Variants in TRHDE observed in about 807,000 individuals in gnomAD.
The protein encoded by TRHDE is thyrotropin releasing hormone degrading enzyme.
Under a neutral mutation model 125.7 loss-of-function variants are expected in TRHDE, and 72 were observed. That is an observed-to-expected ratio of 0.57 (90% confidence interval 0.47 to 0.70). The LOEUF is 0.70. TRHDE is among the 30% of genes least tolerant of loss of function. TRHDE has a pLI of 0.00. For synonymous variants in TRHDE, 509 were observed against 509.1 expected, an observed-to-expected ratio of 1.00 and a Z score of 0.00; for missense variants, 1,110 against 1,327.1, an observed-to-expected ratio of 0.84 and a Z score of 2.54.
At chr12:72,430,397 A>C (rs1874413808) in intron 3 of TRHDE, among the ~76,000 whole-genome samples, 1 of 141,754 alleles carries the variant, frequency 7.1e-6, no homozygotes, top group South Asian at 2.2e-4. Context: ...ATATATACAC[A>C]CACGTATATA....
intron 2 of TRHDE, among the ~76,000 whole-genome samples, chr12:72,178,322 A>G (rs1394794461): frequency 1.3e-5 from 2 of 152,142 alleles, no homozygotes; most frequent in East Asian, 3.8e-4. Flanking sequence ...GAAAACAATA[A>G]TAAACACAAT....
At chr12:72,182,770 C>A (rs1237222418) in intron 2 of TRHDE, among the ~76,000 whole-genome samples, 1 of 152,146 alleles carries the variant, frequency 6.6e-6, no homozygotes, top group African/African-American at 2.4e-5. Flanking sequence ...TCAGATAGAT[C>A]CTGTTCAGGG....
chr12:72,616,256 C>G (rs1306270658), intron 12 of TRHDE, among the ~76,000 whole-genome samples: 1 of 151,966 alleles, frequency 6.6e-6, no homozygotes, highest in Non-Finnish European at 1.5e-5. Flanking sequence ...TGTCCTGCCT[C>G]CTAGACTTGT....
At chr12:72,238,308 A>ATACACAT (rs1878388684) in intron 2 of TRHDE, among the ~76,000 whole-genome samples, 1 of 34,864 alleles carries the variant, frequency 2.9e-5, no homozygotes, top group East Asian at 6.6e-4. Flanking sequence ...ATATATATAT[A>ATACACAT]TATATATATA....
chr12:72,207,803 C>T (rs536288733), intron 2 of TRHDE, among the ~76,000 whole-genome samples: 15 of 152,320 alleles, frequency 9.8e-5, no homozygotes, highest in African/African-American at 3.6e-4. Context: ...CTTTGTAGCG[C>T]TTTTCTGTAC....
At chr12:72,321,112 T>G (rs764504121) in intron 2 of TRHDE, among the ~76,000 whole-genome samples, 2 of 152,184 alleles carry the variant, frequency 1.3e-5, no homozygotes, top group Middle Eastern at 3.2e-3. Flanking sequence ...CTTGTGATTC[T>G]CAGCAATTTT....
At chr12:72,135,055 G>GA (rs1875950689) in intron 2 of TRHDE, among the ~76,000 whole-genome samples, 1 of 151,786 alleles carries the variant, frequency 6.6e-6, no homozygotes, top group Non-Finnish European at 1.5e-5. Context: ...AAAAAGAAAA[G>GA]ACAAGGATGT....
chr12:72,113,784 T>C (rs2139296797), intron 2 of TRHDE, among the ~76,000 whole-genome samples: 1 of 152,204 alleles, frequency 6.6e-6, no homozygotes, highest in South Asian at 2.1e-4. Flanking sequence ...CATAATATCA[T>C]GTAATTGATA....
chr12:72,290,254 T>C (rs1880037030), intron 2 of TRHDE, among the ~76,000 whole-genome samples: 1 of 152,106 alleles, frequency 6.6e-6, no homozygotes, highest in Admixed American at 6.5e-5. Context: ...GACACAGAGG[T>C]AGGTATATCT....
chr12:72,394,767 C>T (rs1331470581), intron 3 of TRHDE, among the ~76,000 whole-genome samples: 1 of 152,084 alleles, frequency 6.6e-6, no homozygotes, highest in Non-Finnish European at 1.5e-5. Context: ...GAGCGAATTC[C>T]AGGTTGCTAT....
intron 12 of TRHDE, among the ~76,000 whole-genome samples, chr12:72,588,864 A>C (rs1369939989): frequency 6.6e-6 from 1 of 152,162 alleles, no homozygotes; most frequent in Admixed American, 6.5e-5. Context: ...GGAAACTTAC[A>C]ATCATGGTGG....
intron 5 of TRHDE, among the ~76,000 whole-genome samples, chr12:72,487,033 T>C (rs1877445058): frequency 6.6e-6 from 1 of 152,036 alleles, no homozygotes; most frequent in Admixed American, 6.6e-5. Context: ...CTGAAGAGCT[T>C]CAGCTGCAGA....
At chr12:72,348,717 G>T (rs1386795411) in intron 2 of TRHDE, among the ~76,000 whole-genome samples, 1 of 151,910 alleles carries the variant, frequency 6.6e-6, no homozygotes, top group African/African-American at 2.4e-5. Context: ...ATGCATTTAA[G>T]TGTGCTCCAA....
At chr12:72,227,528 G>A (rs1878157882) in intron 2 of TRHDE, among the ~76,000 whole-genome samples, 1 of 152,122 alleles carries the variant, frequency 6.6e-6, no homozygotes. Flanking sequence ...GATGAGATAT[G>A]GGGGGACACA....
chr12:72,592,708 C>CT (rs35446767), intron 12 of TRHDE, among the ~76,000 whole-genome samples: 38,214 of 144,456 alleles, frequency 0.26, 7,539 homozygotes, highest in East Asian at 0.54. Context: ...TCTTTTCTTT[C>CT]TTTTTTTTTT....
intron 17 of TRHDE, among the ~76,000 whole-genome samples, 155 bp downstream of exon 17, chr12:72,653,311 A>C (rs902027060): frequency 2.0e-5 from 3 of 152,088 alleles, no homozygotes; most frequent in Non-Finnish European, 4.4e-5. Flanking sequence ...GGAACTCCAA[A>C]TTATTTTTAA....
intron 15 of TRHDE, among the ~76,000 whole-genome samples, chr12:72,648,169 T>C (rs1366591854): frequency 1.3e-5 from 2 of 151,966 alleles, no homozygotes; most frequent in Non-Finnish European, 1.5e-5. Flanking sequence ...TCTCAATAAA[T>C]ACAAAGCACT....
chr12:72,461,569 A>G (rs1876126650), intron 3 of TRHDE, among the ~76,000 whole-genome samples: 1 of 151,894 alleles, frequency 6.6e-6, no homozygotes, highest in Non-Finnish European at 1.5e-5. Context: ...ACAAATGCAT[A>G]TAGACAGTCT....
intron 2 of TRHDE, among the ~76,000 whole-genome samples, chr12:72,209,849 G>A (rs1242778433): frequency 6.6e-6 from 1 of 152,138 alleles, no homozygotes; most frequent in Admixed American, 6.6e-5. Context: ...CTTATACAGT[G>A]TGTTTTCTGA....
Sources: gnomAD v4.1 joint callset for allele counts (sites outside exome capture counted in the v4.1 genomes callset) on GRCh38, gnomAD v4.1.1 for gene constraint, MANE v1.5 for transcripts, NCBI Gene and HGNC (gene_info 2026-07-23, HGNC 2026-07-21) for gene names.